The following STAT4 variants were observed in gnomAD, a reference collection of about 807,000 sequenced individuals.
The protein encoded by STAT4 is signal transducer and activator of transcription 4.
Under a neutral mutation model 110.5 loss-of-function variants are expected in STAT4, and 42 were observed. That is an observed-to-expected ratio of 0.38 (90% CI 0.30 to 0.49). STAT4 has a LOEUF of 0.49. STAT4 is among the 20% of genes least tolerant of loss of function. The pLI is 0.95. For missense variants in STAT4, 632 were observed against 887.9 expected (o/e 0.71, Z 3.66); for synonymous variants, 284 against 302.2 (o/e 0.94, Z 0.63).
chr2:191,070,615 C>T (rs1416756852), intron 5 of STAT4, among the ~76,000 whole-genome samples: 1 of 152,172 alleles, frequency 6.6e-6, no homozygotes, highest in African/African-American at 2.4e-5. Context: ...CTTTCTACTG[C>T]CTGCTTATTC....
rs1227955007 is a variant in STAT4 at position 191,150,243 on chromosome 2, A to G, written c.-2+704T>C. Among the ~76,000 whole-genome samples, 2 of 152,230 alleles carry G rather than the reference A, an allele frequency of 1.3e-5. No homozygotes were observed. The highest frequency in any genetic ancestry group is 4.8e-5 in the African/African-American group (2 of 41,468). On this transcript the variant is annotated intron_variant, in intron 1 of 23. Transcript: ENST00000392320. This position sits in a 1 kb window ranked among gnomAD's most constrained non-coding sequence, Gnocchi z 6.4. The stretch of plus-strand genomic sequence containing the variant: ...AAGCTGAAAAAAGGAAGAAGAAGGA[A>G]TACATAGTCCTAGGACATTTTCTAT...
chr2:191,087,135 T>A (rs1697656010), intron 3 of STAT4, among the ~76,000 whole-genome samples: 1 of 152,192 alleles, frequency 6.6e-6, no homozygotes, highest in Admixed American at 6.5e-5. Flanking sequence ...GTGACACAAC[T>A]GTTTAACTGA....
Position 191,117,641 on chromosome 2 carries a change from G to C in STAT4, c.273+28972C>G, listed in dbSNP as rs532675001. On this transcript the variant is annotated intron_variant, in intron 3 of 23. Coordinates refer to ENST00000392320, the MANE Select transcript of STAT4 (RefSeq NM_003151.4). This position sits in a 1 kb window ranked among gnomAD's most constrained non-coding sequence, Gnocchi z 5.2. ...ATGGGCTGCAACTTGAAGGATGGTTGGGGGAGTAGGAAATTGCATCCTGGG... is the reference window on the plus strand; with the variant it reads ...ATGGGCTGCAACTTGAAGGATGGTTCGGGGAGTAGGAAATTGCATCCTGGG... Among the ~76,000 whole-genome samples the C allele has an allele frequency of 1.3e-5, 2 of 152,262 alleles. No homozygotes were observed. The highest frequency in any genetic ancestry group is 1.3e-4 in the Admixed American group (2 of 15,296).
chr2:191,034,018 A>G lies in STAT4; in HGVS notation c.1621-13T>C. The stretch of plus-strand genomic sequence containing the variant: ...CAGGTAAATGTTCCTACAGGAATAG[A>G]CAAGCACATTAAGACAATGATTATT... On this transcript the variant is annotated splice_polypyrimidine_tract_variant and intron_variant, in intron 18 of 23. Transcript: ENST00000392320. 1 of 1,528,642 alleles carries G rather than the reference A, an allele frequency of 6.5e-7. No homozygotes were observed. Among genetic ancestry groups the G allele is most frequent in the Non-Finnish European group, 9.0e-7 (1 of 1,114,100 alleles). The allele number at this position is 1,528,642 out of a possible 1,614,324, so 94.7% of individuals were successfully genotyped here.
chr2:191,055,409 C>T (rs570667083), intron 13 of STAT4, among the ~76,000 whole-genome samples: 14 of 113,338 alleles, frequency 1.2e-4, no homozygotes, highest in African/African-American at 3.5e-4. Flanking sequence ...TTAGTAGAGA[C>T]GGGGTTTCAC....
In STAT4 at chr2:191,039,744, T is replaced by A. The variant is rs1696137547; in HGVS notation, c.1336-447A>T. ...ACCTAATTAACATAAACACTGGAAG[T>A]GGGAGGTTTCTATTGTAAAAATAGG... is the stretch of plus-strand genomic sequence containing the variant. On this transcript the variant is annotated intron_variant, in intron 15 of 23. Transcript: ENST00000392320. This position sits in a 1 kb window ranked among gnomAD's most constrained non-coding sequence, Gnocchi z 4.7. Among the ~76,000 whole-genome samples, 1 of 152,126 alleles carries A rather than the reference T, an allele frequency of 6.6e-6. No homozygotes were observed.
Position 191,130,397 on chromosome 2 carries a change from A to AT in STAT4, c.273+16215dup, listed in dbSNP as rs1202585914. Among the ~76,000 whole-genome samples the AT allele has an allele frequency of 3.3e-5, 5 of 151,042 alleles. 1 individual carries two copies. Among genetic ancestry groups the AT allele is most frequent in the African/African-American group, 1.2e-4 (5 of 40,830 alleles). ...GCCACCACGCCAGCTAATTTTTTGTATTTTTTAGTAGAGACAGGGTTTCAC... is the reference window on the plus strand; with the variant it reads ...GCCACCACGCCAGCTAATTTTTTGTATTTTTTTAGTAGAGACAGGGTTTCAC... On this transcript the variant is annotated intron_variant, in intron 3 of 23. Coordinates refer to ENST00000392320, the MANE Select transcript of STAT4 (RefSeq NM_003151.4).
chr2:191,131,156 T>C (rs1265912764), intron 3 of STAT4, among the ~76,000 whole-genome samples: 1 of 151,752 alleles, frequency 6.6e-6, no homozygotes, highest in Non-Finnish European at 1.5e-5. Flanking sequence ...CAATTTGGCA[T>C]TATGTAATAT....
chr2:191,131,895 T>A, intron 3 of STAT4: 1 of 1,428,622 alleles, frequency 7.0e-7, no homozygotes, highest in Non-Finnish European at 9.2e-7. Context: ...TAGCCAACCC[T>A]GGGGACTAAA....
upstream of STAT4, chr2:191,151,008 A>G (rs1218653521): frequency 2.0e-6 from 2 of 985,520 alleles, no homozygotes; most frequent in Non-Finnish European, 2.4e-6. The surrounding 1 kb of genome is among the most constrained non-coding windows in gnomAD (Gnocchi z 4.7). Flanking sequence ...AGCGCCCCTC[A>G]CAGTCCCTAG....
In STAT4 at chr2:191,051,992, G is replaced by A. The variant is rs1559045008; in HGVS notation, c.1251+2498C>T. On this transcript the variant is annotated intron_variant, in intron 14 of 23. Coordinates refer to ENST00000392320, the MANE Select transcript of STAT4 (RefSeq NM_003151.4). The surrounding 1 kb of genome is among the most constrained non-coding windows in gnomAD (Gnocchi z 5.6). ...GTCCAGTATATAGTAAATGCCACAC[G>A]AGGATTGTTGAAGACATTCTTAGCA... Among the ~76,000 whole-genome samples the A allele has an allele frequency of 6.6e-6, 1 of 152,212 alleles. No homozygotes were observed. The highest frequency in any genetic ancestry group is 1.5e-5 in the Non-Finnish European group (1 of 68,046).
intron 3 of STAT4, among the ~76,000 whole-genome samples, chr2:191,108,153 T>C (rs986701454): frequency 1.3e-5 from 2 of 151,918 alleles, no homozygotes; most frequent in African/African-American, 4.8e-5. Context: ...TTGCCAGACA[T>C]GGTAGGGGGC....
At chr2:191,036,426 G>A in intron 16 of STAT4, 127 bp from the exon 17 acceptor site, 2 of 956,846 alleles carry the variant, frequency 2.1e-6, no homozygotes, top group Non-Finnish European at 3.1e-6. Flanking sequence ...TGACTATTAG[G>A]TGATAGTCAG....
At chr2:191,092,272 C>A (rs1163565689) in intron 3 of STAT4, among the ~76,000 whole-genome samples, 3 of 152,098 alleles carry the variant, frequency 2.0e-5, no homozygotes. Context: ...GGCATGGTGG[C>A]ATGCGCCTGT....
At chr2:191,118,875 C>G (rs1698641934) in intron 3 of STAT4, among the ~76,000 whole-genome samples, 1 of 152,166 alleles carries the variant, frequency 6.6e-6, no homozygotes, top group African/African-American at 2.4e-5. Context: ...GCTCCCACCT[C>G]AGCTTCTCAC....
chr2:191,060,275 A>G lies in STAT4; in HGVS notation c.1034+1454T>C, dbSNP rs1411037941. Among the ~76,000 whole-genome samples, 1 of 152,192 alleles carries G rather than the reference A, an allele frequency of 6.6e-6. No individual in the cohort carries two copies. Among genetic ancestry groups the G allele is most frequent in the Admixed American group, 6.5e-5 (1 of 15,278 alleles). Reference sequence around the variant, plus strand: ...CCAGAGAGCATCTTAGACTTACTATATCATCTATAGGAGTGTCTCAAGGAA... The same window carrying G: ...CCAGAGAGCATCTTAGACTTACTATGTCATCTATAGGAGTGTCTCAAGGAA... On this transcript the variant is annotated intron_variant, in intron 10 of 23. Coordinates refer to ENST00000392320, the MANE Select transcript of STAT4 (RefSeq NM_003151.4). This position sits in a 1 kb window ranked among gnomAD's most constrained non-coding sequence, Gnocchi z 4.5.
intron 8 of STAT4, among the ~76,000 whole-genome samples, chr2:191,064,241 T>C (rs1012135189): frequency 6.6e-6 from 1 of 152,254 alleles, no homozygotes; most frequent in African/African-American, 2.4e-5. Context: ...CGGAATAACA[T>C]GCATTATTAC....
chr2:191,101,721 A>G (rs1698154309), intron 3 of STAT4, among the ~76,000 whole-genome samples: 1 of 152,014 alleles, frequency 6.6e-6, no homozygotes, highest in African/African-American at 2.4e-5. Context: ...TTTACTTTAT[A>G]TGTTGAGTTA....
intron 3 of STAT4, among the ~76,000 whole-genome samples, chr2:191,111,729 G>A (rs1698429185): frequency 6.6e-6 from 1 of 152,156 alleles, no homozygotes; most frequent in Non-Finnish European, 1.5e-5. Context: ...AGGAATGGTG[G>A]TGCTCGCCTG....
Sources: allele counts gnomAD v4.1 joint callset (sites outside exome capture counted in the v4.1 genomes callset), GRCh38; gene constraint gnomAD v4.1.1; non-coding constraint Gnocchi (gnomAD v3.1); transcripts MANE v1.5; gene names NCBI Gene and HGNC (gene_info 2026-07-23, HGNC 2026-07-21).